The following ATP7B variants were observed in gnomAD, a reference collection of about 807,000 sequenced individuals.
ATP7B encodes ATPase copper transporting beta, also known as copper-transporting ATPase 2.
ATP7B carries 113 observed loss-of-function variants against 118.9 expected under a neutral mutation model. The ratio of observed to expected loss-of-function variants is 0.95; its 90% confidence interval spans 0.82 to 1.11. ATP7B has a LOEUF of 1.11. ATP7B is among the 50% of genes most tolerant of loss of function. The probability of loss-of-function intolerance (pLI) is 0.00; values close to 1 mark genes in which losing one functional copy is unlikely to be tolerated. For synonymous variants in ATP7B, 777 were observed against 727.4 expected, an observed-to-expected ratio of 1.07 and a Z score of -1.10; for missense variants, 1,867 against 1,871.4, an observed-to-expected ratio of 1.00 and a Z score of 0.04.
At chr13:52,008,462 C>T (rs547330522) in intron 1 of ATP7B, among the ~76,000 whole-genome samples, 2 of 152,180 alleles carry the variant, frequency 1.3e-5, no homozygotes, top group Non-Finnish European at 2.9e-5. Context: ...ACATTCGAAT[C>T]CCCTAATCAC....
chr13:51,947,284 T>C (rs946206256), intron 12 of ATP7B, among the ~76,000 whole-genome samples: 12 of 152,210 alleles, frequency 7.9e-5, no homozygotes, highest in African/African-American at 2.9e-4. Flanking sequence ...TATCCACCAA[T>C]ATGCAAAAAA....
At chr13:51,967,056 C>G in intron 4 of ATP7B, 1 of 1,607,140 alleles carries the variant, frequency 6.2e-7, no homozygotes. Flanking sequence ...GGAAGGAAAG[C>G]ACAATAACAA....
At chr13:51,973,827 T>C (rs1951958242) in intron 2 of ATP7B, 108 bp downstream of exon 2, 41 of 1,514,312 alleles carry the variant, frequency 2.7e-5, no homozygotes, top group Non-Finnish European at 3.6e-5. Flanking sequence ...GTTCCACTGT[T>C]GACATGGGAG....
In ATP7B at chr13:51,935,701, G is replaced by A. The variant is rs1210514082; in HGVS notation, c.4022-6C>T. On this transcript the variant is annotated splice_region_variant and splice_polypyrimidine_tract_variant and intron_variant, in intron 19 of 20. Transcript: ENST00000242839. ...GCCGATGGGCATGAAGACACCTGGG[G>A]AAGAAAGAACTCGCACTCACACCTA... The A allele has an allele frequency of 3.7e-6, 6 of 1,609,908 alleles. No individual in the cohort carries two copies. The Admixed American group carries it at 5.0e-5, about 14-fold the overall frequency.
chr13:51,937,267 G>A lies in ATP7B; in HGVS notation c.4021+9C>T, dbSNP rs1437165838. 6.2e-7 allele frequency: 1 copy of A among 1,611,774 alleles called. No individual in the cohort carries two copies. The highest frequency in any genetic ancestry group is 1.3e-5 in the African/African-American group (1 of 74,878). On this transcript the variant is annotated intron_variant, in intron 19 of 20. Transcript: ENST00000242839. ...CGCAGCTGGAGCACAGTGGGTAAGAGCTGCCTACCTGCTGCAATGGGTATC... is the reference window on the plus strand; with the variant it reads ...CGCAGCTGGAGCACAGTGGGTAAGAACTGCCTACCTGCTGCAATGGGTATC...
intron 11 of ATP7B, 61 bp from the exon 12 acceptor site, chr13:51,949,857 C>G: frequency 6.2e-7 from 1 of 1,612,570 alleles, no homozygotes; most frequent in Non-Finnish European, 8.5e-7. Context: ...TAAAACACCA[C>G]AAGCATGGAT....
At position 51,934,578 on chromosome 13, in the gene ATP7B, C is replaced by T; in HGVS notation, c.*178G>A. Reference sequence around the variant, plus strand: ...GGCAGGCAGGGCCGTCCTCTCCAGGCCAAGCCCAGCTGCACCCAGACAAGG... The same window carrying T: ...GGCAGGCAGGGCCGTCCTCTCCAGGTCAAGCCCAGCTGCACCCAGACAAGG... On this transcript the variant is annotated 3_prime_UTR_variant, in exon 21 of 21. Transcript: ENST00000242839. 1 of 1,059,182 alleles carries T rather than the reference C, an allele frequency of 9.4e-7. No individual in the cohort carries two copies. The highest frequency in any genetic ancestry group is 1.4e-6 in the Non-Finnish European group (1 of 728,418). 65.6% of individuals were successfully genotyped at this position (1,059,182 alleles called of 1,614,324 possible).
intron 9 of ATP7B, among the ~76,000 whole-genome samples, chr13:51,953,100 G>A (rs1314733282): frequency 6.6e-6 from 1 of 152,226 alleles, no homozygotes; most frequent in East Asian, 1.9e-4. Flanking sequence ...GTATACCTGT[G>A]TAAATCTGTT....
chr13:51,961,698 G>A, intron 6 of ATP7B, 139 bp downstream of exon 6: 2 of 815,300 alleles, frequency 2.5e-6, no homozygotes, highest in Non-Finnish European at 2.1e-6. Flanking sequence ...CTGTTTCAGA[G>A]GGTTCACATT....
chr13:51,987,257 C>T (rs540787246), intron 1 of ATP7B, among the ~76,000 whole-genome samples: 1 of 152,284 alleles, frequency 6.6e-6, no homozygotes, highest in African/African-American at 2.4e-5. Context: ...AAATCACAAG[C>T]ATTTCTATAC....
Position 51,970,537 on chromosome 13 carries a change from C to T in ATP7B, c.1498G>A (p.Ala500Thr). The T allele has an allele frequency of 6.2e-7, 1 of 1,614,170 alleles. No homozygotes were observed. Among genetic ancestry groups the T allele is most frequent in the Non-Finnish European group, 8.5e-7 (1 of 1,180,028 alleles). The stretch of plus-strand genomic sequence containing the variant: ...CTTTCTATGTTAGACACACAGGATG[C>T]ACAGGTCATGCCTTTGATCTGTAAG... ...CFLQIKGMTC[A>T]SCVSNIERNL... Residue 500 changes from alanine (A) to threonine (T), a missense_variant, in exon 3 of 21, where the codon GCA (alanine) becomes ACA (threonine). Physicochemically the swap from Ala to Thr is moderately conservative, Grantham distance 58 (BLOSUM62 0). Coordinates refer to ENST00000242839, the MANE Select transcript of ATP7B (RefSeq NM_000053.4).
At chr13:51,968,744 G>T (rs1290029035) in intron 3 of ATP7B, 137 bp from the exon 4 acceptor site, 1 of 1,083,208 alleles carries the variant, frequency 9.2e-7, no homozygotes. Flanking sequence ...GTTTGAAAAT[G>T]AGGCTGCACA....
At position 51,941,061 on chromosome 13, in the gene ATP7B, A is replaced by C. The variant is rs765755993; in HGVS notation, c.3556+20T>G. On this transcript the variant is annotated intron_variant, in intron 16 of 20. Coordinates refer to ENST00000242839, the MANE Select transcript of ATP7B (RefSeq NM_000053.4). The stretch of plus-strand genomic sequence containing the variant: ...ACTGTATTTCTGAGAGAGCGGAAGG[A>C]AGGCAGAAGCAGAAGATACCGTCAA... 1.4e-5 allele frequency: 22 copies of C among 1,614,054 alleles called. No homozygotes were observed. Among genetic ancestry groups the C allele is most frequent in the Non-Finnish European group, 1.9e-5 (22 of 1,180,030 alleles).
chr13:51,957,727 C>T (rs1277870286), intron 8 of ATP7B, 120 bp from the exon 9 acceptor site: 7 of 908,904 alleles, frequency 7.7e-6, no homozygotes, highest in East Asian at 5.1e-5. Flanking sequence ...CCGCACGGCA[C>T]GATAAAAGGC....
Position 51,950,329 on chromosome 13 carries a change from G to A in ATP7B, c.2518C>T (p.Pro840Ser), listed in dbSNP as rs1017756733. 8 of 1,614,012 alleles carry A rather than the reference G, an allele frequency of 5.0e-6. No individual in the cohort carries two copies. Among genetic ancestry groups the A allele is most frequent in the Non-Finnish European group, 6.8e-6 (8 of 1,180,032 alleles). Residue 840 changes from proline (P) to serine (S), a missense_variant, in exon 10 of 21, where the codon CCA (proline) becomes TCA (serine). Pro to Ser is a moderately conservative substitution (Grantham distance 74, BLOSUM62 -1). Coordinates refer to ENST00000242839, the MANE Select transcript of ATP7B (RefSeq NM_000053.4). ...IVKVVPGGKF[P>S]VDGKVLEGNT... ...CCTTCCAGGACTTTCCCATCCACTG[G>A]AAACTTTCCCCCAGGGACCACCTTG...
At chr13:51,971,191 G>A (rs1399373598) in intron 2 of ATP7B, among the ~76,000 whole-genome samples, 2 of 152,218 alleles carry the variant, frequency 1.3e-5, no homozygotes, top group Non-Finnish European at 2.9e-5. Flanking sequence ...GCACACTAAT[G>A]GTTTATTCCA....
chr13:51,975,099 T>C lies in ATP7B; in HGVS notation c.121A>G (p.Asn41Asp), dbSNP rs536682013. 3 of 1,614,206 alleles carry C rather than the reference T, an allele frequency of 1.9e-6. No individual in the cohort carries two copies. In the Admixed American group the frequency reaches 5.0e-5, roughly 27 times the overall value. Residue 41 changes from asparagine to aspartate, a missense_variant, in exon 2 of 21, where the codon AAT becomes GAT. Physicochemically the swap from Asn to Asp is conservative, Grantham distance 23. Coordinates refer to ENST00000242839, the MANE Select transcript of ATP7B (RefSeq NM_000053.4). ...TCCAGACCACCTTCATAGCCAACAT[T>C]GTCAAAAGCAAAACTCTTCTTCATT... is the stretch of plus-strand genomic sequence containing the variant. ...PAMKKSFAFDNVGYEGGLDGL... is the reference protein window; with the variant it reads ...PAMKKSFAFDDVGYEGGLDGL...
chr13:51,971,274 A>G (rs1008877919), intron 2 of ATP7B, among the ~76,000 whole-genome samples: 1 of 152,280 alleles, frequency 6.6e-6, no homozygotes, highest in Non-Finnish European at 1.5e-5. Flanking sequence ...AATAATTTTT[A>G]CTATACATAT....
At chr13:51,958,068 C>T in intron 8 of ATP7B, 1 of 558,846 alleles carries the variant, frequency 1.8e-6, no homozygotes, top group South Asian at 2.1e-5. Context: ...GGCCAGGTTT[C>T]TTTAGTTTAC....
Sources: allele counts gnomAD v4.1 joint callset (sites outside exome capture counted in the v4.1 genomes callset), GRCh38; gene constraint gnomAD v4.1.1; transcripts MANE v1.5; gene names NCBI Gene and HGNC (gene_info 2026-07-23, HGNC 2026-07-21).